The following DUOX1 variants were observed in gnomAD, a reference collection of about 807,000 sequenced individuals.
DUOX1 encodes the protein dual oxidase 1, also known as NADPH thyroid oxidase 1.
A neutral mutation model predicts 181.8 loss-of-function variants in DUOX1; 134 were observed. The ratio of observed to expected loss-of-function variants is 0.74; its 90% CI spans 0.64 to 0.85. The LOEUF (loss-of-function observed/expected upper bound fraction) is 0.85, where lower values mean the gene tolerates loss of function less well. DUOX1 is among the 40% of genes least tolerant of loss of function. The probability of loss-of-function intolerance (pLI) is 0.00; values close to 1 mark genes in which losing one functional copy is unlikely to be tolerated. For missense variants in DUOX1, 1,814 were observed against 2,064.4 expected (o/e 0.88, Z 2.35); for synonymous variants, 798 against 832.5 (o/e 0.96, Z 0.71).
At chr15:45,145,163 T>A in intron 18 of DUOX1, 83 bp downstream of exon 18, 15 of 1,300,206 alleles carry the variant, frequency 1.2e-5, no homozygotes, top group Non-Finnish European at 1.5e-5. Flanking sequence ...CGAGGGGAAG[T>A]CAAAGCCCAG....
rs1455022934 is a variant in DUOX1, at chr15:45,134,224, C to T, written c.222C>T (p.Asn74=). The T allele has an allele frequency of 1.9e-6, 3 of 1,564,536 alleles. No individual in the cohort carries two copies. The highest frequency in any genetic ancestry group is 1.4e-5 in the African/African-American group (1 of 72,468). ...CCTTGGGAGAACCCCACCTGCCCAACCCCCGAGACCTTAGCAACACCATCT... is the reference window on the plus strand; with the variant it reads ...CCTTGGGAGAACCCCACCTGCCCAATCCCCGAGACCTTAGCAACACCATCT... ...YQPLGEPHLP[N]PRDLSNTISR... Residue 74 remains asparagine (N), a synonymous_variant, in exon 4 of 34, where the codon AAC becomes AAT. Transcript: ENST00000389037.
At chr15:45,140,163 T>C (rs753491312) in intron 12 of DUOX1, 23 of 699,646 alleles carry the variant, frequency 3.3e-5, no homozygotes, top group Non-Finnish European at 5.3e-5. Flanking sequence ...AGAGACCAGA[T>C]TGGGATACCT....
At chr15:45,159,423 C>A (rs1195908134) in intron 28 of DUOX1, among the ~76,000 whole-genome samples, 1 of 152,166 alleles carries the variant, frequency 6.6e-6, no homozygotes, top group East Asian at 1.9e-4. Flanking sequence ...AGGAGGTGGT[C>A]ACTAGTGCCT....
intron 4 of DUOX1, 151 bp downstream of exon 4, chr15:45,134,460 G>A (rs899205691): frequency 1.1e-5 from 9 of 800,972 alleles, no homozygotes; most frequent in Non-Finnish European, 1.7e-5. Context: ...GGTAGGGGTA[G>A]AAGCAGGTGG....
intron 17 of DUOX1, 50 bp downstream of exon 17, chr15:45,144,285 G>A (rs758911228): frequency 3.8e-6 from 6 of 1,598,694 alleles, no homozygotes; most frequent in Non-Finnish European, 5.1e-6. Flanking sequence ...AGGCCAGGGA[G>A]GCAGCCAGGT....
chr15:45,151,995 G>A lies in DUOX1; in HGVS notation c.3136G>A (p.Gly1046Ser), dbSNP rs1896818741. The change falls in exon 24 of 34, where the codon GGC (glycine) becomes AGC (serine). Residue 1046 changes from glycine to serine, a missense_variant. By Grantham distance (56) the Gly-to-Ser change is moderately conservative (BLOSUM62 0). Coordinates refer to ENST00000389037, the MANE Select transcript of DUOX1 (RefSeq NM_175940.3). ...RFIENYRRHI[G>S]CVAVFYAIAG... is the part of the protein sequence containing the mutation. ...CATTGAGAACTACCGGCGCCACATC[G>A]GCTGCGTGGCCGTGTTCTACGCCAT... The A allele has an allele frequency of 6.2e-7, 1 of 1,614,108 alleles. No homozygotes were observed. The highest frequency in any genetic ancestry group is 8.5e-7 in the Non-Finnish European group (1 of 1,180,014).
In DUOX1 at chr15:45,164,823, C is replaced by T. The variant is rs774082684; in HGVS notation, c.4578C>T (p.Thr1526=). 1.9e-6 allele frequency: 3 copies of T among 1,614,092 alleles called. No homozygotes were observed. In the Admixed American group the frequency reaches 5.0e-5, roughly 27 times the overall value. The change falls in exon 34 of 34, where the codon ACC becomes ACT. Residue 1526 remains threonine (T), a synonymous_variant. Transcript: ENST00000389037. ...GVFSCGPPGM[T]KNVEKACQLI... is the part of the protein sequence containing the mutation. ...TTAGCTGTGGCCCCCCTGGCATGACCAAGAATGTGGAAAAGGCCTGTCAGC... is the reference window on the plus strand; with the variant it reads ...TTAGCTGTGGCCCCCCTGGCATGACTAAGAATGTGGAAAAGGCCTGTCAGC...
chr15:45,145,005 G>C lies in DUOX1; in HGVS notation c.2247G>C (p.Glu749Asp). The C allele has an allele frequency of 6.2e-7, 1 of 1,614,182 alleles. No homozygotes were observed. Among genetic ancestry groups the C allele is most frequent in the Non-Finnish European group, 8.5e-7 (1 of 1,180,018 alleles). The change falls in exon 18 of 34, where the codon GAG becomes GAC. Residue 749 changes from glutamate to aspartate, a missense_variant. This residue lies in a region of DUOX1 where 1,064 missense variants were observed against 1,152.9 expected (regional missense o/e 0.92). Coordinates refer to ENST00000389037, the MANE Select transcript of DUOX1 (RefSeq NM_175940.3). ...AGGAGTGGGAGCTGCGGGAGCAGGA[G>C]CTGATGAGAGCAGCTGTGACACGGG... ...SIQEWELREQ[E>D]LMRAAVTREQ... is the part of the protein sequence containing the mutation.
Position 45,132,991 on chromosome 15 carries a change from C to T in DUOX1, c.59-873C>T, listed in dbSNP as rs556975414. 5.9e-5 allele frequency among the ~76,000 whole-genome samples: 9 copies of T among 152,228 alleles called. No homozygotes were observed. The South Asian group carries it at 6.2e-4, about 11-fold the overall frequency. On this transcript the variant is annotated intron_variant, in intron 2 of 33. Coordinates refer to ENST00000389037, the MANE Select transcript of DUOX1 (RefSeq NM_175940.3). ...TCTGCTGAGTGAGTGTGAATGTGTG[C>T]GTCTGTTCTCTGAAGTGAGCAGAGA... is the stretch of plus-strand genomic sequence containing the variant.
At chr15:45,130,731 A>G (rs1305153510) in intron 1 of DUOX1, among the ~76,000 whole-genome samples, 1 of 152,198 alleles carries the variant, frequency 6.6e-6, no homozygotes, top group Non-Finnish European at 1.5e-5. Context: ...GGTCATCCCC[A>G]CACAGCCTGG....
chr15:45,151,877 A>G lies in DUOX1; in HGVS notation c.3018A>G (p.Val1006=), dbSNP rs1567017223. 3.1e-6 allele frequency: 5 copies of G among 1,611,730 alleles called. No homozygotes were observed. The highest frequency in any genetic ancestry group is 1.7e-5 in the Admixed American group (1 of 59,484). Reference sequence around the variant, plus strand: ...GCTAAGGCTTCCTGTCTCCCAGGGTAACGTCATTCCAGCCCTTGCTGTTCA... The same window carrying G: ...GCTAAGGCTTCCTGTCTCCCAGGGTGACGTCATTCCAGCCCTTGCTGTTCA... ...QEIRRRFGKK[V]TSFQPLLFTE... Residue 1006 remains valine (V), a synonymous_variant, in exon 24 of 34, where the codon GTA becomes GTG. Transcript: ENST00000389037.
At chr15:45,130,221 C>G (rs1332738153) in intron 1 of DUOX1, 123 bp downstream of exon 1, 1 of 152,260 alleles carries the variant, frequency 6.6e-6, no homozygotes, top group African/African-American at 2.4e-5. Context: ...GGAATGCTAG[C>G]CCCCTGCGCC....
chr15:45,150,726 G>C (rs761793203), intron 22 of DUOX1, 25 bp downstream of exon 22: 3 of 1,612,482 alleles, frequency 1.9e-6, no homozygotes, highest in Middle Eastern at 1.7e-4. Flanking sequence ...GGGAATGTCG[G>C]GGGGAGGAGT....
chr15:45,145,724 G>T (rs1896635473), intron 18 of DUOX1, among the ~76,000 whole-genome samples: 1 of 152,120 alleles, frequency 6.6e-6, no homozygotes, highest in African/African-American at 2.4e-5. Context: ...AGACCAGCCT[G>T]GCCAACATGG....
intron 4 of DUOX1, 45 bp downstream of exon 4, chr15:45,134,354 G>A (rs1387285230): frequency 6.5e-6 from 10 of 1,548,358 alleles, no homozygotes; most frequent in African/African-American, 2.8e-5. Flanking sequence ...GGGGTCGGCT[G>A]GACACCTCTG....
chr15:45,133,904 TG>T lies in DUOX1; in HGVS notation c.102del (p.Trp35GlyfsTer58). On this transcript the variant is annotated frameshift_variant, in exon 3 of 34. Transcript: ENST00000389037. LOFTEE classifies it high-confidence loss of function. Reference protein sequence around the residue: ...PISWEVQRFDGWYNNLMEHRW... With the variant: ...PISWEVQRFDXWYNNLMEHRW... ...TTTCGTGGGAGGTGCAGCGATTTGA[TG>T]GGTGGTACAACAACCTCATGGAGCA... 6.2e-7 allele frequency: 1 copy of T among 1,613,922 alleles called. No homozygotes were observed. Among genetic ancestry groups the T allele is most frequent in the Non-Finnish European group, 8.5e-7 (1 of 1,179,944 alleles).
chr15:45,164,954 A>C lies in DUOX1; in HGVS notation c.*53A>C. The C allele has an allele frequency of 6.3e-7, 1 of 1,588,768 alleles. No individual in the cohort carries two copies. Among genetic ancestry groups the C allele is most frequent in the East Asian group, 2.2e-5 (1 of 44,556 alleles). On this transcript the variant is annotated 3_prime_UTR_variant, in exon 34 of 34. Transcript: ENST00000389037. ...CCCAGTTGAGCAGAGGTTTGAGCCC[A>C]CACCTCACCTCTGTTCTTCCTATTT...
At chr15:45,136,119 T>C (rs550960603) in intron 7 of DUOX1, among the ~76,000 whole-genome samples, 171 bp downstream of exon 7, 108 of 152,166 alleles carry the variant, frequency 7.1e-4, no homozygotes, top group African/African-American at 2.5e-3. Flanking sequence ...GCGCTGTTTA[T>C]AGGAGAAATC....
intron 21 of DUOX1, among the ~76,000 whole-genome samples, chr15:45,149,456 A>C (rs1896749640): frequency 6.6e-6 from 1 of 152,204 alleles, no homozygotes; most frequent in African/African-American, 2.4e-5. Flanking sequence ...TGGAGGGTAA[A>C]ACCAGGCTTG....
Sources: allele counts gnomAD v4.1 joint callset (sites outside exome capture counted in the v4.1 genomes callset), GRCh38; gene constraint gnomAD v4.1.1; regional missense constraint gnomAD v4.1.1; transcripts MANE v1.5; gene names NCBI Gene and HGNC (gene_info 2026-07-23, HGNC 2026-07-21).